C20orf203: variants seen among roughly 807,000 people sequenced by gnomAD.
C20orf203 encodes the protein chromosome 20 open reading frame 203, also known as uncharacterized protein C20orf203.
A neutral mutation model predicts 15.9 loss-of-function variants in C20orf203; 16 were observed. The ratio of observed to expected loss-of-function variants is 1.01; its 90% confidence interval spans 0.68 to 1.53. The LOEUF (loss-of-function observed/expected upper bound fraction) is 1.53. C20orf203 is among the 40% of genes most tolerant of loss of function. The pLI is 0.00. For synonymous variants in C20orf203, 98 were observed against 97.2 expected, an observed-to-expected ratio of 1.01 and a Z score of -0.05; for missense variants, 263 against 247.5, an observed-to-expected ratio of 1.06 and a Z score of -0.42.
At chr20:32,653,991 G>A (rs1982698969) in intron 1 of C20orf203, among the ~76,000 whole-genome samples, 1 of 151,886 alleles carries the variant, frequency 6.6e-6, no homozygotes, top group Non-Finnish European at 1.5e-5. Context: ...TACTCAGGAG[G>A]CTGAAGCACA....
intron 4 of C20orf203, among the ~76,000 whole-genome samples, chr20:32,644,427 G>A (rs897471963): frequency 6.6e-5 from 10 of 152,090 alleles, no homozygotes; most frequent in African/African-American, 1.4e-4. Context: ...CAGCCTGGGC[G>A]ACAGAGCGAG....
At position 32,632,305 on chromosome 20, in the gene C20orf203, C is replaced by T. The variant is rs1448416770; in HGVS notation, c.*3265G>A. 1 of 152,244 alleles carries T rather than the reference C, an allele frequency of 6.6e-6. No homozygotes were observed. Among genetic ancestry groups the T allele is most frequent in the Non-Finnish European group, 1.5e-5 (1 of 68,048 alleles). 9.4% of individuals were successfully genotyped at this position (152,244 alleles called of 1,614,324 possible). On this transcript the variant is annotated 3_prime_UTR_variant, in exon 6 of 6. Transcript: ENST00000608990. ...GGCCCTGAGCTAGACACATTTCCTA[C>T]TCCCTAACTTTGGCCTTTAAATCTC...
At position 32,650,666 on chromosome 20, in the gene C20orf203, C is replaced by T; in HGVS notation, c.351G>A (p.Arg117=). ...VGGLRLSKVG[R]RDREVGRGLR... ...GCCCCCTCCCCACTTCCCTATCTCT[C>T]CGACCCACCTTGCTGAGCCTGAGGC... Residue 117 remains arginine (R), a synonymous_variant, in exon 4 of 6, where the codon CGG becomes CGA. Coordinates refer to ENST00000608990, the MANE Select transcript of C20orf203 (RefSeq NM_182584.4). The T allele has an allele frequency of 6.5e-7, 1 of 1,549,358 alleles. No homozygotes were observed. Among genetic ancestry groups the T allele is most frequent in the Non-Finnish European group, 8.7e-7 (1 of 1,146,468 alleles).
intron 4 of C20orf203, among the ~76,000 whole-genome samples, chr20:32,642,949 G>A (rs1292650743): frequency 6.6e-6 from 1 of 152,146 alleles, no homozygotes; most frequent in Non-Finnish European, 1.5e-5. Context: ...GCTGTGTCTT[G>A]GTGGGGCCAG....
intron 1 of C20orf203, among the ~76,000 whole-genome samples, chr20:32,658,434 T>C (rs755359278): frequency 1.3e-5 from 2 of 151,332 alleles, no homozygotes; most frequent in Admixed American, 6.6e-5. Flanking sequence ...AGACTACAGA[T>C]GTACACTACC....
intron 4 of C20orf203, among the ~76,000 whole-genome samples, chr20:32,640,909 G>C (rs1982263860): frequency 6.6e-6 from 1 of 152,070 alleles, no homozygotes; most frequent in Admixed American, 6.6e-5. Flanking sequence ...TTTGTGACAG[G>C]CTCCTTTCAC....
chr20:32,645,980 C>G (rs975004667), intron 4 of C20orf203, among the ~76,000 whole-genome samples: 16 of 151,306 alleles, frequency 1.1e-4, no homozygotes, highest in Admixed American at 3.3e-4. Flanking sequence ...CTCAACTTCT[C>G]TGTACCCCAG....
chr20:32,671,924 G>A (rs1377109818), intron 1 of C20orf203, among the ~76,000 whole-genome samples: 2 of 151,152 alleles, frequency 1.3e-5, no homozygotes, highest in Non-Finnish European at 1.5e-5. Flanking sequence ...GAGAGTTGCT[G>A]TTCAATGGGT....
chr20:32,645,609 T>C (rs1982403237), intron 4 of C20orf203, among the ~76,000 whole-genome samples: 1 of 152,166 alleles, frequency 6.6e-6, no homozygotes, highest in African/African-American at 2.4e-5. Flanking sequence ...GAAGCAGACA[T>C]TGGAGAGGAG....
At chr20:32,647,430 T>G (rs1373906127) in intron 4 of C20orf203, among the ~76,000 whole-genome samples, 1 of 140,954 alleles carries the variant, frequency 7.1e-6, no homozygotes, top group East Asian at 2.1e-4. Flanking sequence ...AGGGTTTGGC[T>G]TGGTGGCTCA....
At chr20:32,661,045 G>A (rs1461846172) in intron 1 of C20orf203, among the ~76,000 whole-genome samples, 1 of 152,202 alleles carries the variant, frequency 6.6e-6, no homozygotes, top group African/African-American at 2.4e-5. Flanking sequence ...TGGGGACACA[G>A]CCAAACCATA....
intron 1 of C20orf203, among the ~76,000 whole-genome samples, chr20:32,662,540 G>A (rs1160590821): frequency 1.3e-5 from 2 of 152,156 alleles, no homozygotes; most frequent in African/African-American, 4.8e-5. Context: ...CGGAGTTGCG[G>A]TGAGCCAAGA....
intron 1 of C20orf203, among the ~76,000 whole-genome samples, chr20:32,660,478 G>C (rs1451357217): frequency 1.3e-5 from 2 of 152,226 alleles, no homozygotes; most frequent in Non-Finnish European, 1.5e-5. Flanking sequence ...CTGCCGAAAA[G>C]AGGGGCTGCT....
At chr20:32,639,454 A>T (rs1982221542) in intron 5 of C20orf203, among the ~76,000 whole-genome samples, 1 of 152,098 alleles carries the variant, frequency 6.6e-6, no homozygotes, top group Admixed American at 6.6e-5. Context: ...CCTGAGCCTC[A>T]GTTTCCTCAT....
At chr20:32,647,529 C>T (rs1214950054) in intron 4 of C20orf203, among the ~76,000 whole-genome samples, 2 of 151,992 alleles carry the variant, frequency 1.3e-5, no homozygotes, top group Non-Finnish European at 2.9e-5. Flanking sequence ...CATAGTAAGA[C>T]CCTGTTGCTA....
chr20:32,652,266 T>C (rs13042452), intron 1 of C20orf203, among the ~76,000 whole-genome samples: 24,460 of 134,600 alleles, frequency 0.18, 2,278 homozygotes, highest in South Asian at 0.27. Context: ...ACTGAGATCG[T>C]GCCAGTGAGC....
rs1982604528 is a variant in C20orf203, at chr20:32,651,002, G to A, written c.135+16C>T. ...GTGTCAGCCCAGGTGTGGGAGACAG[G>A]GACAGCACTTCTTACCCGGCTCAGC... On this transcript the variant is annotated intron_variant, in intron 3 of 5. Coordinates refer to ENST00000608990, the MANE Select transcript of C20orf203 (RefSeq NM_182584.4). The A allele has an allele frequency of 1.4e-6, 2 of 1,473,508 alleles. No individual in the cohort carries two copies. Among genetic ancestry groups the A allele is most frequent in the Non-Finnish European group, 1.8e-6 (2 of 1,107,642 alleles). The allele number at this position is 1,473,508 out of a possible 1,614,324, so 91.3% of individuals were successfully genotyped here. A position where few individuals can be genotyped will look rare whatever the true frequency, so the allele number is the denominator to read the frequency against.
Position 32,650,518 on chromosome 20 carries a change from G to C in C20orf203, c.499C>G (p.Leu167Val). ...WTSTCFQDFC[L>V]PSLPGKLPAP... ...GGCAACTTGCCTGGCAAGGATGGGA[G>C]GCAGAAGTCCTGGAAACATGTTGAG... Residue 167 changes from leucine (L) to valine (V), a missense_variant, in exon 4 of 6, where the codon CTC (leucine) becomes GTC (valine). Coordinates refer to ENST00000608990, the MANE Select transcript of C20orf203 (RefSeq NM_182584.4). 6.4e-7 allele frequency: 1 copy of C among 1,550,484 alleles called. No homozygotes were observed. Among genetic ancestry groups the C allele is most frequent in the South Asian group, 1.2e-5 (1 of 84,054 alleles).
At position 32,650,718 on chromosome 20, in the gene C20orf203, C is replaced by G. The variant is rs1420783629; in HGVS notation, c.299G>C (p.Gly100Ala). Residue 100 changes from glycine (G) to alanine (A), a missense_variant, in exon 4 of 6, where the codon GGT (glycine) becomes GCT (alanine). Transcript: ENST00000608990. Reference sequence around the variant, plus strand: ...TCCAACTTCCCCCCACCCCTCCCCACCAACCCAAATCCTTTCCTGATAAGG... The same window carrying G: ...TCCAACTTCCCCCCACCCCTCCCCAGCAACCCAAATCCTTTCCTGATAAGG... ...PGPYQERIWV[G>A]GEGWGEVGGL... The G allele has an allele frequency of 1.9e-6, 3 of 1,546,768 alleles. No homozygotes were observed. Among genetic ancestry groups the G allele is most frequent in the Non-Finnish European group, 1.7e-6 (2 of 1,144,992 alleles).
Sources: gnomAD v4.1 joint callset for allele counts (sites outside exome capture counted in the v4.1 genomes callset) on GRCh38, gnomAD v4.1.1 for gene constraint, MANE v1.5 for transcripts, NCBI Gene and HGNC (gene_info 2026-07-23, HGNC 2026-07-21) for gene names.